The following RBFOX2 variants were observed in gnomAD, a reference collection of about 807,000 sequenced individuals.
RBFOX2 encodes RNA binding fox-1 homolog 2, also known as RNA binding protein fox-1 homolog 2.
RBFOX2 carries 10 observed loss-of-function variants against 49.1 expected under a neutral mutation model. The ratio of observed to expected loss-of-function variants is 0.20; its 90% confidence interval spans 0.13 to 0.35. The LOEUF (loss-of-function observed/expected upper bound fraction) is 0.35, where lower values mean the gene tolerates loss of function less well. Ranked by LOEUF, RBFOX2 falls within the 10% of genes least tolerant of loss-of-function variation. The probability of loss-of-function intolerance (pLI) is 1.00; values close to 1 mark genes in which losing one functional copy is unlikely to be tolerated. For synonymous variants in RBFOX2, 183 were observed against 187.4 expected, an observed-to-expected ratio of 0.98 and a Z score of 0.19; for missense variants, 323 against 486.9, an observed-to-expected ratio of 0.66 and a Z score of 3.17.
chr22:35,848,881 G>A (rs2041543258), intron 1 of RBFOX2, among the ~76,000 whole-genome samples: 1 of 152,056 alleles, frequency 6.6e-6, no homozygotes, highest in Non-Finnish European at 1.5e-5. Context: ...CAAAACTAAA[G>A]TCAAGAAAAA....
At chr22:35,972,154 T>C (rs1871291642) in intron 1 of RBFOX2, among the ~76,000 whole-genome samples, 1 of 152,098 alleles carries the variant, frequency 6.6e-6, no homozygotes, top group Non-Finnish European at 1.5e-5. Flanking sequence ...AGTATAGTCT[T>C]CATGCAACTA....
chr22:35,772,576 C>T (rs1019994730), intron 4 of RBFOX2, among the ~76,000 whole-genome samples: 3 of 152,156 alleles, frequency 2.0e-5, no homozygotes, highest in African/African-American at 7.2e-5. Context: ...CAGGTCTCTA[C>T]ACTTTATACT....
chr22:35,790,886 T>A (rs779254116), intron 2 of RBFOX2, among the ~76,000 whole-genome samples: 56 of 152,216 alleles, frequency 3.7e-4, no homozygotes, highest in Admixed American at 7.2e-4. Flanking sequence ...CGTAAGCCTG[T>A]ACTCCCAGCT....
At chr22:35,842,892 C>T (rs1321843075), upstream of RBFOX2, among the ~76,000 whole-genome samples, 1 of 152,028 alleles carries the variant, frequency 6.6e-6, no homozygotes, top group African/African-American at 2.4e-5. Flanking sequence ...TTTCCTCAGG[C>T]CAGGAATTCA....
chr22:36,018,386 C>G (rs1038223455), intron 1 of RBFOX2, among the ~76,000 whole-genome samples: 1 of 152,072 alleles, frequency 6.6e-6, no homozygotes, highest in African/African-American at 2.4e-5. Flanking sequence ...AGAGATGAAG[C>G]AGGAACTTTG....
chr22:35,919,852 C>T (rs1603448623), intron 1 of RBFOX2, among the ~76,000 whole-genome samples: 1 of 152,230 alleles, frequency 6.6e-6, no homozygotes, highest in African/African-American at 2.4e-5. Flanking sequence ...TATTCCCATC[C>T]TCTGCTCACT....
chr22:35,937,752 A>C (rs1204518182), intron 1 of RBFOX2, among the ~76,000 whole-genome samples: 1 of 151,986 alleles, frequency 6.6e-6, no homozygotes, highest in Non-Finnish European at 1.5e-5. Context: ...CATCACACCC[A>C]GCTAATTTTT....
At chr22:35,770,244 T>C (rs1294902540) in intron 4 of RBFOX2, among the ~76,000 whole-genome samples, 2 of 152,192 alleles carry the variant, frequency 1.3e-5, no homozygotes, top group Non-Finnish European at 2.9e-5. Context: ...CACAGAGTGA[T>C]GAGTTTTAAT....
chr22:35,950,906 A>G (rs1299390392), intron 1 of RBFOX2, among the ~76,000 whole-genome samples: 1 of 151,006 alleles, frequency 6.6e-6, no homozygotes, highest in Non-Finnish European at 1.5e-5. Context: ...TTTTCTTCCT[A>G]GGAGTCAATT....
At chr22:35,764,308 G>A (rs1486267460) in intron 6 of RBFOX2, among the ~76,000 whole-genome samples, 1 of 152,128 alleles carries the variant, frequency 6.6e-6, no homozygotes, top group Non-Finnish European at 1.5e-5. Flanking sequence ...AGCAGAGCCA[G>A]GCATGGTGGC....
intron 2 of RBFOX2, 22 bp from the exon 4 acceptor site, chr22:35,781,768 G>GA: frequency 6.2e-7 from 1 of 1,613,268 alleles, no homozygotes; most frequent in South Asian, 1.1e-5. Context: ...AATAAAGAAT[G>GA]AAAAATATAC....
intron 1 of RBFOX2, chr22:36,000,006 T>TATATATATATATATA (rs1556524955): frequency 1.2e-5 from 1 of 80,126 alleles, no homozygotes; most frequent in Non-Finnish European, 2.9e-5. Context: ...TATATATATA[T>TATATATATATATATA]TTTTTTTTTT....
At chr22:35,995,322 A>T (rs759058039) in intron 1 of RBFOX2, 1 of 152,234 alleles carries the variant, frequency 6.6e-6, no homozygotes, top group Non-Finnish European at 1.5e-5. Flanking sequence ...AAAAACACTG[A>T]GTGAAAGAAC....
intron 1 of RBFOX2, among the ~76,000 whole-genome samples, chr22:36,007,876 TGAATGTACCTTTTTTTTTCTCATCAA>T (rs1320987141): frequency 1.3e-5 from 2 of 152,240 alleles, no homozygotes; most frequent in African/African-American, 2.4e-5. Context: ...TTCCACTGTA[TGAATGTACCTTTTTTTTTCTCATCAA>T]GAATGTACCT....
intron 1 of RBFOX2, among the ~76,000 whole-genome samples, chr22:35,979,846 C>T (rs2057372502): frequency 6.6e-6 from 1 of 151,844 alleles, no homozygotes; most frequent in African/African-American, 2.4e-5. Flanking sequence ...GCCATACTAA[C>T]TCAGTCTGTC....
intron 1 of RBFOX2, among the ~76,000 whole-genome samples, chr22:35,983,480 T>C (rs993747906): frequency 1.3e-5 from 2 of 152,190 alleles, no homozygotes; most frequent in Admixed American, 6.5e-5. Flanking sequence ...ACTATAATAA[T>C]TACTTTTAGG....
intron 1 of RBFOX2, among the ~76,000 whole-genome samples, chr22:35,952,734 C>G (rs993304696): frequency 7.2e-5 from 11 of 152,108 alleles, no homozygotes; most frequent in Non-Finnish European, 1.0e-4. Context: ...TTGTACTTTG[C>G]TGGTGGGAAT....
chr22:35,837,081 GC>G (rs2148785646), intron 1 of RBFOX2, among the ~76,000 whole-genome samples: 1 of 152,250 alleles, frequency 6.6e-6, no homozygotes, highest in South Asian at 2.1e-4. Flanking sequence ...TGATTAAATT[GC>G]CATTTGCTTT....
intron 2 of RBFOX2, among the ~76,000 whole-genome samples, chr22:35,797,808 C>T (rs1949045860): frequency 6.6e-6 from 1 of 152,202 alleles, no homozygotes; most frequent in Admixed American, 6.5e-5. Context: ...CTGTGGACCA[C>T]ACAGGGAAAA....
Sources: allele counts gnomAD v4.1 joint callset (sites outside exome capture counted in the v4.1 genomes callset), GRCh38; gene constraint gnomAD v4.1.1; transcripts MANE v1.5; gene names NCBI Gene and HGNC (gene_info 2026-07-23, HGNC 2026-07-21).